Variants in PFDN2 observed in about 807,000 individuals in gnomAD.
PFDN2 encodes the protein prefoldin 2.
In PFDN2, 7 loss-of-function variants were observed where a neutral mutation model predicts 18.3. The observed-to-expected ratio is 0.38, with a 90% CI of 0.22 to 0.72. The LOEUF (loss-of-function observed/expected upper bound fraction) is 0.72. PFDN2 is among the 30% of genes least tolerant of loss of function. The pLI is 0.47. For missense variants in PFDN2, 181 were observed against 199.1 expected, an observed-to-expected ratio of 0.91 and a Z score of 0.55; for synonymous variants, 76 against 75.0, an observed-to-expected ratio of 1.01 and a Z score of -0.07.
intron 1 of PFDN2, among the ~76,000 whole-genome samples, chr1:161,115,112 G>A (rs1296336633): frequency 1.3e-5 from 2 of 152,158 alleles, no homozygotes; most frequent in African/African-American, 4.8e-5. Context: ...GCCCAGGCTG[G>A]AGTGCAATGG....
chr1:161,101,588 G>C (rs2101698140), intron 3 of PFDN2, among the ~76,000 whole-genome samples: 1 of 152,270 alleles, frequency 6.6e-6, no homozygotes, highest in Middle Eastern at 3.4e-3. Flanking sequence ...TAGTCCTTCA[G>C]GTGATTTTGA....
intron 1 of PFDN2, among the ~76,000 whole-genome samples, chr1:161,114,769 A>G (rs935107753): frequency 1.3e-5 from 2 of 152,184 alleles, no homozygotes; most frequent in Non-Finnish European, 2.9e-5. Flanking sequence ...GTCTGACCCT[A>G]GTGCATAAGA....
intron 1 of PFDN2, among the ~76,000 whole-genome samples, chr1:161,112,933 C>A (rs1469521122): frequency 6.7e-6 from 1 of 149,656 alleles, no homozygotes; most frequent in Non-Finnish European, 1.5e-5. Flanking sequence ...CTTCCATCCA[C>A]ACATATATAC....
chr1:161,104,594 A>T (rs2101700603), intron 1 of PFDN2, among the ~76,000 whole-genome samples: 1 of 151,572 alleles, frequency 6.6e-6, no homozygotes, highest in South Asian at 2.1e-4. Context: ...ACAGGTGCAC[A>T]CCACCTAATA....
In PFDN2 at chr1:161,100,851, C is replaced by T. The variant is rs751832124; in HGVS notation, c.297G>A (p.Lys99=). The change falls in exon 4 of 4, where the codon AAG becomes AAA. Residue 99 remains lysine, a synonymous_variant. Transcript: ENST00000368010. ...ALENNKEQIQ[K]IIETLTQQLQ... is the part of the protein sequence containing the mutation. ...GCTGCTGTGTCAGTGTCTCAATGAT[C>T]TTCTGTATCTAGAGGACAAGTGACA... 13 of 1,612,332 alleles carry T rather than the reference C, an allele frequency of 8.1e-6. No homozygotes were observed. In the South Asian group the frequency reaches 1.4e-4, roughly 18 times the overall value.
intron 1 of PFDN2, among the ~76,000 whole-genome samples, chr1:161,115,290 C>A (rs1001077302): frequency 7.9e-5 from 12 of 152,206 alleles, no homozygotes; most frequent in Non-Finnish European, 1.8e-4. Context: ...TCTCGAACTC[C>A]TGACCTCAGA....
rs553472563 is a variant in PFDN2, at chr1:161,103,683, C to CAAAAAAAAAAA, written c.76-1319_76-1309dup. ...CTGGCAACAGAGCAAGACTCCGTCTCAAAAAAAAAAAAAAAAAAAAAAAAA... is the reference window on the plus strand; with the variant it reads ...CTGGCAACAGAGCAAGACTCCGTCTCAAAAAAAAAAAAAAAAAAAAAAAAAAAAAAAAAAAA... On this transcript the variant is annotated intron_variant, in intron 1 of 3. Coordinates refer to ENST00000368010, the MANE Select transcript of PFDN2 (RefSeq NM_012394.4). Among the ~76,000 whole-genome samples the CAAAAAAAAAAA allele has an allele frequency of 2.6e-3, 195 of 74,908 alleles. 4 individuals carry two copies. Among genetic ancestry groups the CAAAAAAAAAAA allele is most frequent in the Non-Finnish European group, 3.6e-3 (144 of 40,004 alleles). The allele number at this position is 74,908 out of a possible 152,430, so 49.1% of individuals were successfully genotyped here.
intron 1 of PFDN2, among the ~76,000 whole-genome samples, chr1:161,107,676 G>A (rs541746044): frequency 1.4e-4 from 21 of 145,650 alleles, no homozygotes; most frequent in Middle Eastern, 8.9e-3. Flanking sequence ...TTAGCCGGGC[G>A]TGGTGGTGCA....
chr1:161,110,857 T>TTTTA, intron 1 of PFDN2, among the ~76,000 whole-genome samples: 1 of 150,184 alleles, frequency 6.7e-6, no homozygotes, highest in Non-Finnish European at 1.5e-5. Flanking sequence ...TTTTTTTTTT[T>TTTTA]GAGATGGAGT....
intron 1 of PFDN2, among the ~76,000 whole-genome samples, chr1:161,109,443 A>G (rs1037240898): frequency 6.6e-6 from 1 of 152,216 alleles, no homozygotes; most frequent in African/African-American, 2.4e-5. Flanking sequence ...CACCATGCAG[A>G]CTGCCTTCTA....
Position 161,117,960 on chromosome 1 carries a change from C to A in PFDN2, c.67G>T (p.Ala23Ser), listed in dbSNP as rs752313527. 4 of 1,611,920 alleles carry A rather than the reference C, an allele frequency of 2.5e-6. No individual in the cohort carries two copies. The African/African-American group carries it at 5.3e-5, about 22-fold the overall frequency. Residue 23 changes from alanine to serine, a missense_variant, in exon 1 of 4, where the codon GCA becomes TCA. Ala to Ser is a moderately conservative substitution (Grantham distance 99). Coordinates refer to ENST00000368010, the MANE Select transcript of PFDN2 (RefSeq NM_012394.4). ...GSGAGKGAVS[A>S]EQVIAGFNRL... Reference sequence around the variant, plus strand: ...CGTTAGCCACTCCTCACCTGCTCTGCGGACACCGCCCCCTTCCCCGCGCCG... The same window carrying A: ...CGTTAGCCACTCCTCACCTGCTCTGAGGACACCGCCCCCTTCCCCGCGCCG...
chr1:161,110,819 ATTT>A (rs1342029221), intron 1 of PFDN2, among the ~76,000 whole-genome samples: 1 of 133,726 alleles, frequency 7.5e-6, no homozygotes, highest in Admixed American at 7.6e-5. Flanking sequence ...TCTTCATGAA[ATTT>A]TTTTTTTTTT....
At position 161,102,164 on chromosome 1, in the gene PFDN2, T is replaced by C. The variant is rs774471582; in HGVS notation, c.172A>G (p.Ile58Val). 1.2e-6 allele frequency: 2 copies of C among 1,614,192 alleles called. No individual in the cohort carries two copies. The highest frequency in any genetic ancestry group is 8.5e-7 in the Non-Finnish European group (1 of 1,180,018). The change falls in exon 3 of 4, where the codon ATC (isoleucine) becomes GTC (valine). Residue 58 changes from isoleucine to valine, a missense_variant. Coordinates refer to ENST00000368010, the MANE Select transcript of PFDN2 (RefSeq NM_012394.4). ...EMELNEHSLV[I>V]DTLKEVDETR... ...TCATCTACCTCCTTCAGTGTATCGA[T>C]CACTAGGCTGGGATAGGAGAACAAG... is the stretch of plus-strand genomic sequence containing the variant.
intron 1 of PFDN2, among the ~76,000 whole-genome samples, chr1:161,111,715 CCTT>C (rs1488168786): frequency 1.3e-5 from 2 of 152,178 alleles, no homozygotes; most frequent in Non-Finnish European, 2.9e-5. Context: ...TCTCAAGCCT[CCTT>C]CTTTCTCCTT....
chr1:161,109,941 T>C (rs1456159159), intron 1 of PFDN2, among the ~76,000 whole-genome samples: 1 of 151,226 alleles, frequency 6.6e-6, no homozygotes, highest in African/African-American at 2.4e-5. Flanking sequence ...GTAATCCCAG[T>C]TACTCGGGAG....
At chr1:161,113,118 T>C (rs149282373) in intron 1 of PFDN2, among the ~76,000 whole-genome samples, 57 of 152,336 alleles carry the variant, frequency 3.7e-4, no homozygotes, top group African/African-American at 1.3e-3. Context: ...AGTTAAACAA[T>C]TAATAATATA....
intron 1 of PFDN2, among the ~76,000 whole-genome samples, chr1:161,103,675 C>A (rs111921706): frequency 9.7e-6 from 1 of 102,734 alleles, no homozygotes. Context: ...CAGAGCAAGA[C>A]TCCGTCTCAA....
intron 1 of PFDN2, among the ~76,000 whole-genome samples, chr1:161,115,911 C>T (rs1654905439): frequency 6.6e-6 from 1 of 152,066 alleles, no homozygotes; most frequent in South Asian, 2.1e-4. Context: ...GAGTGCTTGG[C>T]CCATGGTAGC....
At chr1:161,117,734 C>T (rs557335116) in intron 1 of PFDN2, among the ~76,000 whole-genome samples, 3 of 152,352 alleles carry the variant, frequency 2.0e-5, no homozygotes, top group Admixed American at 2.0e-4. Flanking sequence ...TTTCCCCTTG[C>T]TCAGGCTCAC....
Sources: allele counts gnomAD v4.1 joint callset (sites outside exome capture counted in the v4.1 genomes callset), GRCh38; gene constraint gnomAD v4.1.1; transcripts MANE v1.5; gene names NCBI Gene and HGNC (gene_info 2026-07-23, HGNC 2026-07-21).